Variants in KLRG2 observed in about 807,000 individuals in gnomAD.
The protein encoded by KLRG2 is killer cell lectin-like receptor subfamily G member 2.
In KLRG2, 39 loss-of-function variants were observed where a neutral mutation model predicts 35.4. The observed-to-expected ratio is 1.10, with a 90% CI of 0.85 to 1.44. The LOEUF is 1.44. Ranked by LOEUF, KLRG2 falls within the 40% of genes most tolerant of loss-of-function variation. The pLI, the probability that KLRG2 is intolerant of heterozygous loss-of-function variation, is 0.00. For missense variants in KLRG2, 632 were observed against 570.9 expected (o/e 1.11, Z -1.09); for synonymous variants, 283 against 265.8 (o/e 1.06, Z -0.63).
At chr7:139,456,920 T>A (rs1477075774) in intron 3 of KLRG2, among the ~76,000 whole-genome samples, 1 of 142,566 alleles carries the variant, frequency 7.0e-6, no homozygotes, top group Non-Finnish European at 1.5e-5. Flanking sequence ...TGAAACTGCC[T>A]CCCCGCGCTC....
At chr7:139,449,183 C>A (rs950062426), downstream of KLRG2, among the ~76,000 whole-genome samples, 1 of 151,482 alleles carries the variant, frequency 6.6e-6, no homozygotes, top group African/African-American at 2.4e-5. Flanking sequence ...GGGTGGATCA[C>A]CTAAGATCAG....
At chr7:139,432,883 G>A in the KLRG2 span, among the ~76,000 whole-genome samples, 14 of 151,846 alleles carry the variant, frequency 9.2e-5, no homozygotes, top group African/African-American at 2.7e-4. Flanking sequence ...TGAATTCACC[G>A]ACGCAGAATC....
chr7:139,455,479 G>A (rs989662586), intron 3 of KLRG2, among the ~76,000 whole-genome samples: 4 of 151,988 alleles, frequency 2.6e-5, no homozygotes, highest in Non-Finnish European at 5.9e-5. Context: ...CCGCCACCAT[G>A]CCTGGCTAAT....
the KLRG2 span, among the ~76,000 whole-genome samples, chr7:139,447,401 TC>T: frequency 1.5e-5 from 2 of 130,618 alleles, no homozygotes; most frequent in African/African-American, 7.4e-5. Flanking sequence ...CTTGGGTCAT[TC>T]TTTTTTTTTT....
chr7:139,452,371 G>A (rs1028751627), downstream of KLRG2, among the ~76,000 whole-genome samples: 6 of 152,156 alleles, frequency 3.9e-5, no homozygotes, highest in African/African-American at 1.4e-4. Flanking sequence ...GATGGGTGCA[G>A]CAAACCACCA....
At chr7:139,435,644 T>C in the KLRG2 span, among the ~76,000 whole-genome samples, 1 of 152,190 alleles carries the variant, frequency 6.6e-6, no homozygotes, top group Non-Finnish European at 1.5e-5. Context: ...CACTGATCTC[T>C]CTAGCATGAG....
chr7:139,448,697 A>C (rs1295587975), downstream of KLRG2: 1 of 147,498 alleles, frequency 6.8e-6, no homozygotes, highest in Non-Finnish European at 1.5e-5. Context: ...CTTCTTAAAA[A>C]ATAATAATAA....
At position 139,454,134 on chromosome 7, in the gene KLRG2, G is replaced by T; in HGVS notation, c.1086C>A (p.Asp362Glu). The change falls in exon 4 of 5, where the codon GAC becomes GAA. Residue 362 changes from aspartate (D) to glutamate (E), a missense_variant. Physicochemically the swap from Asp to Glu is conservative, Grantham distance 45 (BLOSUM62 2). Transcript: ENST00000340940. ...ACAGCTGGGGCGGGAGTGGGGCCTC[G>T]TCGATCCAGTGCCAGCCCTGGGGGC... ...WRGPQGWHWIDEAPLPPQLLP... is the reference protein window; with the variant it reads ...WRGPQGWHWIEEAPLPPQLLP... 6 of 1,544,798 alleles carry T rather than the reference G, an allele frequency of 3.9e-6. No individual in the cohort carries two copies. Among genetic ancestry groups the T allele is most frequent in the Non-Finnish European group, 5.3e-6 (6 of 1,141,920 alleles).
At chr7:139,470,139 C>T (rs1242537395) in intron 3 of KLRG2, among the ~76,000 whole-genome samples, 1 of 151,670 alleles carries the variant, frequency 6.6e-6, no homozygotes. Context: ...CTCACTGCAA[C>T]CTCCACCTCC....
chr7:139,446,482 A>G, the KLRG2 span, among the ~76,000 whole-genome samples: 1 of 151,350 alleles, frequency 6.6e-6, no homozygotes, highest in African/African-American at 2.4e-5. Flanking sequence ...CCTGAGTAGC[A>G]GGGATTACAG....
At position 139,476,443 on chromosome 7, in the gene KLRG2, CT is replaced by C. The variant is rs10543223; in HGVS notation, c.1005+3183del. Among the ~76,000 whole-genome samples, 1,089 of 147,458 alleles carry C rather than the reference CT, an allele frequency of 7.4e-3. 8 individuals are homozygous for C. The highest frequency in any genetic ancestry group is 0.023 in the African/African-American group (919 of 40,412). On this transcript the variant is annotated intron_variant, in intron 3 of 4. Transcript: ENST00000340940. ...AGGCTCTCTGGCCCGGTGTCACTATCTTTTTTTTTTTTCCTTGAGACAGAGT... is the reference window on the plus strand; with the variant it reads ...AGGCTCTCTGGCCCGGTGTCACTATCTTTTTTTTTTTCCTTGAGACAGAGT...
intron 3 of KLRG2, among the ~76,000 whole-genome samples, chr7:139,463,624 C>T (rs943902133): frequency 6.6e-6 from 1 of 152,232 alleles, no homozygotes; most frequent in Non-Finnish European, 1.5e-5. Context: ...TCCTCCTAAG[C>T]CGTGTCCCAT....
intron 3 of KLRG2, among the ~76,000 whole-genome samples, chr7:139,455,270 T>C (rs970420363): frequency 6.6e-6 from 1 of 152,006 alleles, no homozygotes; most frequent in Non-Finnish European, 1.5e-5. Context: ...CTGTCCATTT[T>C]AGCCTCCCAA....
At chr7:139,429,874 A>G in the KLRG2 span, among the ~76,000 whole-genome samples, 2 of 152,152 alleles carry the variant, frequency 1.3e-5, no homozygotes, top group East Asian at 3.9e-4. Context: ...CCCGTTCTCA[A>G]TGAGCTGTTG....
chr7:139,458,061 C>T (rs954865524), intron 3 of KLRG2, among the ~76,000 whole-genome samples: 3 of 152,078 alleles, frequency 2.0e-5, no homozygotes, highest in Non-Finnish European at 4.4e-5. Flanking sequence ...TGCCTTCATA[C>T]ATTTCTTTTT....
the KLRG2 span, among the ~76,000 whole-genome samples, chr7:139,440,641 G>T: frequency 4.6e-5 from 7 of 151,972 alleles, no homozygotes; most frequent in Non-Finnish European, 8.8e-5. Flanking sequence ...ATAGAGATAT[G>T]ATCTCACTAT....
chr7:139,435,638 G>C, the KLRG2 span, among the ~76,000 whole-genome samples: 1 of 152,150 alleles, frequency 6.6e-6, no homozygotes, highest in East Asian at 1.9e-4. Flanking sequence ...GGCAACCACT[G>C]ATCTCTCTAG....
the KLRG2 span, among the ~76,000 whole-genome samples, chr7:139,442,702 C>A: frequency 6.6e-6 from 1 of 152,124 alleles, no homozygotes; most frequent in African/African-American, 2.4e-5. Flanking sequence ...CAAAAATTAG[C>A]CAGGCATTGT....
In KLRG2 at chr7:139,482,907, G is replaced by A. The variant is rs540775052; in HGVS notation, c.736C>T (p.Pro246Ser). The A allele has an allele frequency of 7.4e-6, 11 of 1,491,416 alleles. No individual in the cohort carries two copies. The African/African-American group carries it at 1.3e-4, about 18-fold the overall frequency. 92.4% of individuals were successfully genotyped at this position (1,491,416 alleles called of 1,614,324 possible). A position where few individuals can be genotyped will look rare whatever the true frequency, so the allele number is the denominator to read the frequency against. Reference protein sequence around the residue: ...RAGLDGDEKLPRAVTLTGLPM... With the variant: ...RAGLDGDEKLSRAVTLTGLPM... ...TCACCCGTAAGCGTTACGGCCCGGG[G>A]CAGCTTCTCGTCGCCGTCCAACCCC... is the stretch of plus-strand genomic sequence containing the variant. The change falls in exon 1 of 5, where the codon CCC becomes TCC. Residue 246 changes from proline (P) to serine (S), a missense_variant. Pro to Ser is a moderately conservative substitution (Grantham distance 74). Coordinates refer to ENST00000340940, the MANE Select transcript of KLRG2 (RefSeq NM_198508.4).
Sources: gnomAD v4.1 joint callset for allele counts (sites outside exome capture counted in the v4.1 genomes callset) on GRCh38, gnomAD v4.1.1 for gene constraint, MANE v1.5 for transcripts, NCBI Gene and HGNC (gene_info 2026-07-23, HGNC 2026-07-21) for gene names.